The following MLLT6 variants were observed in gnomAD, a reference collection of about 807,000 sequenced individuals.
MLLT6 encodes MLLT6, PHD finger containing, also known as protein AF-17.
Under a neutral mutation model 103.0 loss-of-function variants are expected in MLLT6, and 22 were observed. The observed-to-expected ratio is 0.21, with a 90% CI of 0.15 to 0.31. The LOEUF (loss-of-function observed/expected upper bound fraction) is 0.31. MLLT6 is among the 10% of genes least tolerant of loss of function. MLLT6 has a pLI of 1.00. For missense variants in MLLT6, 1,199 were observed against 1,441.7 expected (o/e 0.83, Z 2.73); for synonymous variants, 606 against 623.5 (o/e 0.97, Z 0.42).
At position 38,716,445 on chromosome 17, in the gene MLLT6, C is replaced by T. The variant is rs1306784111; in HGVS notation, c.1115C>T (p.Pro372Leu). ...EQPEEDKYSK[P>L]TAPAPSAPPS... Reference sequence around the variant, plus strand: ...CCAGAGGAGGACAAGTACTCCAAGCCCACAGCCCCCGCCCCTTCAGCCCCT... The same window carrying T: ...CCAGAGGAGGACAAGTACTCCAAGCTCACAGCCCCCGCCCCTTCAGCCCCT... The change falls in exon 10 of 20, where the codon CCC becomes CTC. Residue 372 changes from proline to leucine, a missense_variant. Around this residue, in one of 7 missense-constraint regions of MLLT6, gnomAD observed 1,034 missense variants for 1,091.5 expected, o/e 0.95. Transcript: ENST00000621332. This position sits in a 1 kb window ranked among gnomAD's most constrained non-coding sequence, Gnocchi z 5.6. 2 of 1,613,710 alleles carry T rather than the reference C, an allele frequency of 1.2e-6. No individual in the cohort carries two copies. The highest frequency in any genetic ancestry group is 1.7e-6 in the Non-Finnish European group (2 of 1,179,892).
At position 38,722,020 on chromosome 17, in the gene MLLT6, C is replaced by T. The variant is rs780074501; in HGVS notation, c.2585C>T (p.Pro862Leu). The T allele has an allele frequency of 1.3e-5, 19 of 1,473,478 alleles. No homozygotes were observed. In the East Asian group the frequency reaches 1.6e-4, roughly 13 times the overall value. The allele number at this position is 1,473,478 out of a possible 1,614,324, so 91.3% of individuals were successfully genotyped here. Reference protein sequence around the residue: ...PGAPAPLPPQPQNGLGRAPGA... With the variant: ...PGAPAPLPPQLQNGLGRAPGA... The stretch of plus-strand genomic sequence containing the variant: ...GCCCCTGCCCCACTCCCGCCCCAGC[C>T]GCAGAACGGGTTGGGCCGGGCACCC... Residue 862 changes from proline (P) to leucine (L), a missense_variant, in exon 17 of 20, where the codon CCG becomes CTG. Pro to Leu is a moderately conservative substitution (Grantham distance 98). This residue lies in a region of MLLT6 where 1,034 missense variants were observed against 1,091.5 expected (regional missense o/e 0.95). Coordinates refer to ENST00000621332, the MANE Select transcript of MLLT6 (RefSeq NM_005937.4).
At chr17:38,717,126 C>G in intron 10 of MLLT6, 145 bp downstream of exon 10, 2 of 1,248,696 alleles carry the variant, frequency 1.6e-6, no homozygotes, top group African/African-American at 1.5e-5. Context: ...TCAGGACATC[C>G]CCCTCTGCAT....
At chr17:38,723,386 G>A (rs777364467) in intron 18 of MLLT6, among the ~76,000 whole-genome samples, 1 of 152,138 alleles carries the variant, frequency 6.6e-6, no homozygotes, top group Non-Finnish European at 1.5e-5. Flanking sequence ...CAGCTACTTG[G>A]GAGCCTGAGG....
chr17:38,712,074 T>C, intron 7 of MLLT6, 60 bp downstream of exon 7: 6 of 1,468,034 alleles, frequency 4.1e-6, no homozygotes, highest in Non-Finnish European at 5.4e-6. Flanking sequence ...CTCACAAACA[T>C]GGCTCAAAAA....
At chr17:38,712,927 C>G (rs1483599052) in intron 8 of MLLT6, 138 bp downstream of exon 8, 2 of 750,464 alleles carry the variant, frequency 2.7e-6, no homozygotes, top group Non-Finnish European at 5.0e-6. Flanking sequence ...CCCCTCCTAC[C>G]CCATACCCTC....
At position 38,717,831 on chromosome 17, in the gene MLLT6, C is replaced by A; in HGVS notation, c.1834-14C>A. 6.3e-7 allele frequency: 1 copy of A among 1,591,390 alleles called. No homozygotes were observed. Among genetic ancestry groups the A allele is most frequent in the Non-Finnish European group, 8.6e-7 (1 of 1,159,706 alleles). On this transcript the variant is annotated splice_polypyrimidine_tract_variant and intron_variant, in intron 11 of 19. Coordinates refer to ENST00000621332, the MANE Select transcript of MLLT6 (RefSeq NM_005937.4). ...CAAGAATAACCGCCAGGGGATTCTACCTCCCTCCCTTAGGTGTTTTCTCTG... is the reference window on the plus strand; with the variant it reads ...CAAGAATAACCGCCAGGGGATTCTAACTCCCTCCCTTAGGTGTTTTCTCTG...
intron 10 of MLLT6, 156 bp from the exon 11 acceptor site, chr17:38,717,276 C>G (rs550141804): frequency 1.4e-6 from 1 of 733,402 alleles, no homozygotes; most frequent in South Asian, 1.8e-5. Context: ...GTCACCCAGG[C>G]AGGAAGTGAC....
rs370304238 is a variant in MLLT6 at position 38,715,583 on chromosome 17, G to A, written c.820-29G>A. ...ATCAGCACAGGCCCAGGCACCTGGT[G>A]TTGAACCTTCCTCTCTCCTCTCCTT... is the stretch of plus-strand genomic sequence containing the variant. On this transcript the variant is annotated intron_variant, in intron 8 of 19. Transcript: ENST00000621332. 350 of 1,589,510 alleles carry A rather than the reference G, an allele frequency of 2.2e-4. 2 individuals are homozygous for A. The highest frequency in any genetic ancestry group is 9.4e-4 in the South Asian group (81 of 86,304).
At chr17:38,708,582 C>T (rs931697066) in intron 4 of MLLT6, among the ~76,000 whole-genome samples, 8 of 152,186 alleles carry the variant, frequency 5.3e-5, no homozygotes, top group Non-Finnish European at 7.3e-5. Context: ...ATCGGCCACA[C>T]GTGGCTACAT....
Position 38,728,613 on chromosome 17 carries a change from G to A in MLLT6, c.*3015G>A. ...CAGCGCCAAAGGGACCTGTCTTTAG[G>A]GGTCATTTCAGCCAGCTCCTCCCAT... On this transcript the variant is annotated 3_prime_UTR_variant, in exon 20 of 20. Transcript: ENST00000621332. 4.3e-6 allele frequency: 1 copy of A among 233,762 alleles called. No individual in the cohort carries two copies. 14.5% of individuals were successfully genotyped at this position (233,762 alleles called of 1,614,324 possible).
chr17:38,710,128 C>T (rs985349599), intron 6 of MLLT6, among the ~76,000 whole-genome samples: 5 of 152,126 alleles, frequency 3.3e-5, no homozygotes, highest in African/African-American at 1.2e-4. Flanking sequence ...GAAACGAGTC[C>T]CAGGCAGAGG....
Position 38,724,940 on chromosome 17 carries a change from G to A in MLLT6, c.3204G>A (p.Ser1068=), listed in dbSNP as rs1203546285. 1.4e-5 allele frequency: 21 copies of A among 1,547,632 alleles called. No individual in the cohort carries two copies. Among genetic ancestry groups the A allele is most frequent in the Admixed American group, 2.0e-5 (1 of 50,964 alleles). Residue 1068 remains serine (S), a synonymous_variant, in exon 19 of 20, where the codon TCG becomes TCA. Coordinates refer to ENST00000621332, the MANE Select transcript of MLLT6 (RefSeq NM_005937.4). The surrounding 1 kb of genome is among the most constrained non-coding windows in gnomAD (Gnocchi z 5.4). ...TAQTNPFLSL[S]GAEGSGGGPK... ...AGACCAACCCCTTCCTCAGCCTGTC[G>A]GGAGCAGAGGGCAGTGGCGGTGGCC...
At chr17:38,705,776 C>T (rs1236191990) in intron 1 of MLLT6, 35 bp downstream of exon 1, 1 of 1,128,440 alleles carries the variant, frequency 8.9e-7, no homozygotes, top group Non-Finnish European at 1.1e-6. Flanking sequence ...GGCGGGACCC[C>T]GGGGGCGGCG....
At chr17:38,707,684 C>A in intron 3 of MLLT6, 79 bp from the exon 4 acceptor site, 1 of 1,216,568 alleles carries the variant, frequency 8.2e-7, no homozygotes, top group African/African-American at 1.5e-5. Flanking sequence ...GAGGAGGGAA[C>A]AGTCTGCAGC....
chr17:38,714,008 G>A lies in MLLT6; in HGVS notation c.819+1219G>A, dbSNP rs1905232320. ...ACTGAATACCTGGTCGCTACTAGGA[G>A]GAAAAGGGCCTTCCCTGGCAGCAGC... On this transcript the variant is annotated intron_variant, in intron 8 of 19. Coordinates refer to ENST00000621332, the MANE Select transcript of MLLT6 (RefSeq NM_005937.4). 1.3e-5 allele frequency: 2 copies of A among 152,252 alleles called. 1 individual carries two copies. The highest frequency in any genetic ancestry group is 4.1e-4 in the South Asian group (2 of 4,826). The allele number at this position is 152,252 out of a possible 1,614,324, so 9.4% of individuals were successfully genotyped here. A position where few individuals can be genotyped will look rare whatever the true frequency, so the allele number is the denominator to read the frequency against.
intron 14 of MLLT6, 60 bp from the exon 15 acceptor site, chr17:38,720,312 G>GC: frequency 2.2e-6 from 1 of 445,628 alleles, no homozygotes; most frequent in Non-Finnish European, 4.2e-6. Context: ...CCCGCCCCCG[G>GC]TCCCCTGGCC....
chr17:38,707,957 T>G, intron 4 of MLLT6, 85 bp downstream of exon 4: 1 of 919,178 alleles, frequency 1.1e-6, no homozygotes, highest in African/African-American at 1.6e-5. Context: ...TGTAATTTGA[T>G]TCTGTCCAAC....
At position 38,728,230 on chromosome 17, in the gene MLLT6, G is replaced by A. The variant is rs1037055195; in HGVS notation, c.*2632G>A. On this transcript the variant is annotated 3_prime_UTR_variant, in exon 20 of 20. Coordinates refer to ENST00000621332, the MANE Select transcript of MLLT6 (RefSeq NM_005937.4). ...GGTAGTGGCATTTCCTTCTCAGGGA[G>A]CTTCAATGGGAAAGGTCTCGAAAGC... The A allele has an allele frequency of 7.3e-5, 17 of 233,240 alleles. No homozygotes were observed. The highest frequency in any genetic ancestry group is 1.3e-4 in the Non-Finnish European group (15 of 118,116). The allele number at this position is 233,240 out of a possible 1,614,324, so 14.4% of individuals were successfully genotyped here. A position where few individuals can be genotyped will look rare whatever the true frequency, so the allele number is the denominator to read the frequency against.
intron 16 of MLLT6, 51 bp downstream of exon 16, chr17:38,720,798 C>T (rs750446393): frequency 8.7e-5 from 132 of 1,518,568 alleles, no homozygotes; most frequent in Non-Finnish European, 1.1e-4. Flanking sequence ...TCAAGGCTCT[C>T]CTGGTCCCAT....
Sources: allele counts gnomAD v4.1 joint callset (sites outside exome capture counted in the v4.1 genomes callset), GRCh38; gene constraint gnomAD v4.1.1; regional missense constraint gnomAD v4.1.1; non-coding constraint Gnocchi (gnomAD v3.1); transcripts MANE v1.5; gene names NCBI Gene and HGNC (gene_info 2026-07-23, HGNC 2026-07-21).